Variants in ROR1 observed in about 807,000 individuals in gnomAD.
ROR1 encodes ROR family WNT receptor 1.
In ROR1, 19 loss-of-function variants were observed where a neutral mutation model predicts 78.8. The observed-to-expected ratio is 0.24, with a 90% confidence interval of 0.17 to 0.35. The LOEUF is 0.35. Among genes scored for constraint, ROR1 ranks in the 10% least tolerant of loss-of-function variants. The pLI, the probability that ROR1 is intolerant of heterozygous loss-of-function variation, is 1.00. For synonymous variants in ROR1, 386 were observed against 433.6 expected (o/e 0.89, Z 1.36); for missense variants, 917 against 1,177.8 (o/e 0.78, Z 3.24).
intron 1 of ROR1, among the ~76,000 whole-genome samples, chr1:63,901,302 G>A (rs1645483875): frequency 6.6e-6 from 1 of 152,096 alleles, no homozygotes; most frequent in South Asian, 2.1e-4. Context: ...CTGAACCACC[G>A]ATCACCTACA....
At chr1:63,956,578 A>T (rs763305695) in intron 1 of ROR1, among the ~76,000 whole-genome samples, 46 of 152,246 alleles carry the variant, frequency 3.0e-4, no homozygotes, top group Non-Finnish European at 5.9e-4. Flanking sequence ...CTTAATTCCC[A>T]CTAATTCAGT....
chr1:63,966,854 C>T (rs1341507), intron 1 of ROR1, among the ~76,000 whole-genome samples: 50,048 of 152,070 alleles, frequency 0.33, 12,421 homozygotes, highest in African/African-American at 0.7. Flanking sequence ...GCTTGAAAAG[C>T]TCTTACTTCA....
chr1:63,962,632 C>T (rs567533133), intron 1 of ROR1, among the ~76,000 whole-genome samples: 3 of 152,042 alleles, frequency 2.0e-5, no homozygotes, highest in Non-Finnish European at 2.9e-5. Flanking sequence ...GATGAGGGAG[C>T]GGGGAGAGTG....
intron 1 of ROR1, among the ~76,000 whole-genome samples, chr1:63,990,049 A>C (rs564700243): frequency 6.6e-6 from 1 of 152,254 alleles, no homozygotes; most frequent in African/African-American, 2.4e-5. Flanking sequence ...CTTAAGAGAG[A>C]CCAAGGACTA....
chr1:63,977,031 T>C (rs1053629173), intron 1 of ROR1, among the ~76,000 whole-genome samples: 7 of 152,166 alleles, frequency 4.6e-5, no homozygotes, highest in Non-Finnish European at 8.8e-5. Context: ...CATGTTCTTC[T>C]TCACATAATG....
chr1:63,778,734 A>C (rs1464471045), intron 1 of ROR1, among the ~76,000 whole-genome samples: 1 of 152,222 alleles, frequency 6.6e-6, no homozygotes, highest in African/African-American at 2.4e-5. Context: ...CAACCCTATA[A>C]GGGAGATAGC....
chr1:63,908,842 AAAG>A (rs1645547517), intron 1 of ROR1, among the ~76,000 whole-genome samples: 1 of 152,192 alleles, frequency 6.6e-6, no homozygotes, highest in African/African-American at 2.4e-5. Flanking sequence ...CCCTACCATG[AAAG>A]CCCTGACTTC....
chr1:63,941,859 C>T (rs911594060), intron 1 of ROR1, among the ~76,000 whole-genome samples: 1 of 152,178 alleles, frequency 6.6e-6, no homozygotes. Flanking sequence ...CTGACACTTA[C>T]ATAGTACTCC....
intron 7 of ROR1, among the ~76,000 whole-genome samples, chr1:64,156,413 A>G (rs1649772856): frequency 6.6e-6 from 1 of 152,194 alleles, no homozygotes; most frequent in South Asian, 2.1e-4. Context: ...CCTGGGTTAT[A>G]TATTTACCTG....
intron 1 of ROR1, among the ~76,000 whole-genome samples, chr1:63,873,071 T>C (rs934113278): frequency 1.3e-5 from 2 of 152,096 alleles, no homozygotes; most frequent in Non-Finnish European, 2.9e-5. Flanking sequence ...TCTTTTCTTT[T>C]TTCTCTTCTC....
intron 8 of ROR1, among the ~76,000 whole-genome samples, chr1:64,163,435 G>A (rs1254256880): frequency 6.6e-6 from 1 of 152,016 alleles, no homozygotes; most frequent in Non-Finnish European, 1.5e-5. Flanking sequence ...AAAAAAAGAT[G>A]GAGGAGTCTG....
chr1:63,855,815 A>ATT (rs34479737), intron 1 of ROR1, among the ~76,000 whole-genome samples: 17 of 147,932 alleles, frequency 1.1e-4, no homozygotes, highest in Non-Finnish European at 2.2e-4. Context: ...CGCCCCACTA[A>ATT]TTTTTTTTTT....
intron 1 of ROR1, among the ~76,000 whole-genome samples, chr1:63,949,874 G>GT (rs1018121579): frequency 1.5e-4 from 23 of 152,196 alleles, no homozygotes; most frequent in African/African-American, 5.3e-4. Flanking sequence ...TGGGGTGGAG[G>GT]TGGGGTGAAT....
intron 4 of ROR1, among the ~76,000 whole-genome samples, chr1:64,133,165 A>G (rs1648981157): frequency 6.6e-6 from 1 of 152,154 alleles, no homozygotes; most frequent in Non-Finnish European, 1.5e-5. Flanking sequence ...AACATTCACA[A>G]GGAGAACGAG....
At chr1:63,775,447 G>A (rs1266674254) in intron 1 of ROR1, 2 of 152,120 alleles carry the variant, frequency 1.3e-5, no homozygotes, top group Admixed American at 6.6e-5. Context: ...AAGTCTCCGG[G>A]GTCTCGGGCC....
At chr1:63,955,342 A>G (rs1237109939) in intron 1 of ROR1, among the ~76,000 whole-genome samples, 1 of 152,130 alleles carries the variant, frequency 6.6e-6, no homozygotes, top group Non-Finnish European at 1.5e-5. Flanking sequence ...TTTCTTTGGC[A>G]GTTTTTTTCC....
At chr1:63,902,671 A>G (rs1205381915) in intron 1 of ROR1, among the ~76,000 whole-genome samples, 2 of 152,206 alleles carry the variant, frequency 1.3e-5, no homozygotes, top group Non-Finnish European at 2.9e-5. Context: ...CCACAGCTGT[A>G]TTACAATCTG....
At chr1:64,035,586 A>T (rs897651587) in intron 2 of ROR1, among the ~76,000 whole-genome samples, 3 of 152,078 alleles carry the variant, frequency 2.0e-5, no homozygotes, top group Non-Finnish European at 4.4e-5. Flanking sequence ...GGAATTTGCA[A>T]TTGGAACTCA....
At chr1:64,027,029 C>G (rs1029974296) in intron 2 of ROR1, among the ~76,000 whole-genome samples, 2 of 152,180 alleles carry the variant, frequency 1.3e-5, no homozygotes, top group Admixed American at 6.5e-5. Flanking sequence ...ATAGATGTGT[C>G]CTCATTAGTT....
Sources: allele counts gnomAD v4.1 joint callset (sites outside exome capture counted in the v4.1 genomes callset), GRCh38; gene constraint gnomAD v4.1.1; transcripts MANE v1.5; gene names NCBI Gene and HGNC (gene_info 2026-07-23, HGNC 2026-07-21).